Variants in THSD7B observed in about 807,000 individuals in gnomAD.
THSD7B encodes the protein thrombospondin type-1 domain-containing protein 7B.
A neutral mutation model predicts 213.6 loss-of-function variants in THSD7B; 138 were observed. The ratio of observed to expected loss-of-function variants is 0.65; its 90% CI spans 0.56 to 0.74. THSD7B has a LOEUF of 0.74. Ranked by LOEUF, THSD7B falls within the 30% of genes least tolerant of loss-of-function variation. THSD7B has a pLI of 0.00. For missense variants in THSD7B, 1,931 were observed against 1,991.5 expected, an observed-to-expected ratio of 0.97 and a Z score of 0.58; for synonymous variants, 742 against 687.0, an observed-to-expected ratio of 1.08 and a Z score of -1.25.
chr2:137,393,267 G>A (rs1366763594), intron 12 of THSD7B, among the ~76,000 whole-genome samples: 29 of 150,702 alleles, frequency 1.9e-4, no homozygotes, highest in Non-Finnish European at 3.1e-4. Flanking sequence ...CCACTAACTC[G>A]TCATCTAGCA....
At chr2:137,193,420 A>G (rs1017136973) in intron 7 of THSD7B, among the ~76,000 whole-genome samples, 1 of 152,234 alleles carries the variant, frequency 6.6e-6, no homozygotes, top group African/African-American at 2.4e-5. Flanking sequence ...AATACTTAAC[A>G]TTACTTGTGG....
chr2:136,828,815 CT>C (rs916763100), intron 1 of THSD7B, among the ~76,000 whole-genome samples: 25 of 152,184 alleles, frequency 1.6e-4, no homozygotes, highest in African/African-American at 6.0e-4. Context: ...TCCCTCTGAG[CT>C]TTCTTACTAG....
At chr2:137,188,325 C>A (rs1680590467) in intron 7 of THSD7B, among the ~76,000 whole-genome samples, 1 of 152,118 alleles carries the variant, frequency 6.6e-6, no homozygotes, top group Admixed American at 6.6e-5. Flanking sequence ...CAGACCAGTG[C>A]CACCTTCTTC....
intron 6 of THSD7B, among the ~76,000 whole-genome samples, chr2:137,166,876 G>A (rs62172325): frequency 4.6e-5 from 7 of 152,056 alleles, no homozygotes; most frequent in African/African-American, 1.4e-4. Flanking sequence ...TGGGTGGGGC[G>A]TTCTGTTAAC....
Position 137,271,222 on chromosome 2 carries a change from C to G in THSD7B, c.2267-1311C>G, listed in dbSNP as rs1464682149. ...ACCCTCACTGCGCTCCTCCCTCTCT[C>G]CCACCTTTCCCATGTGCTCACACCC... On this transcript the variant is annotated intron_variant, in intron 10 of 27. Transcript: ENST00000409968. Among the ~76,000 whole-genome samples, 5 of 151,238 alleles carry G rather than the reference C, an allele frequency of 3.3e-5. 1 individual carries two copies. In the South Asian group the frequency reaches 1.0e-3, roughly 31 times the overall value.
intron 2 of THSD7B, among the ~76,000 whole-genome samples, chr2:137,019,238 G>A (rs1686397774): frequency 6.6e-6 from 1 of 152,048 alleles, no homozygotes; most frequent in East Asian, 1.9e-4. Flanking sequence ...AGGAGTTACT[G>A]TATTTTTCTG....
intron 4 of THSD7B, among the ~76,000 whole-genome samples, chr2:137,095,738 C>T (rs1688028751): frequency 6.6e-6 from 1 of 152,060 alleles, no homozygotes; most frequent in Non-Finnish European, 1.5e-5. Context: ...TCTTGTTGCC[C>T]AGGGTGGAGT....
intron 21 of THSD7B, among the ~76,000 whole-genome samples, chr2:137,643,170 C>A (rs2104863203): frequency 6.6e-6 from 1 of 152,294 alleles, no homozygotes; most frequent in Admixed American, 6.5e-5. Context: ...AAATGCCTAA[C>A]AACATCCTAG....
intron 9 of THSD7B, 119 bp from the exon 10 acceptor site, chr2:137,242,338 C>G (rs770474730): frequency 1.3e-4 from 95 of 706,570 alleles, no homozygotes; most frequent in Non-Finnish European, 1.9e-4. Context: ...AGTCTCTCTT[C>G]CCTCACCTAT....
chr2:137,390,862 G>C (rs922416447), intron 12 of THSD7B, among the ~76,000 whole-genome samples: 1 of 152,034 alleles, frequency 6.6e-6, no homozygotes, highest in Non-Finnish European at 1.5e-5. Flanking sequence ...AACCATTTTT[G>C]CATCCCTAGC....
chr2:137,327,907 T>C (rs1254712573), intron 12 of THSD7B, among the ~76,000 whole-genome samples: 1 of 151,814 alleles, frequency 6.6e-6, no homozygotes, highest in Non-Finnish European at 1.5e-5. Context: ...GTGAAAGGTA[T>C]GCTGACATTT....
chr2:136,813,995 T>A (rs1682430046), intron 1 of THSD7B, among the ~76,000 whole-genome samples: 1 of 152,172 alleles, frequency 6.6e-6, no homozygotes, highest in Admixed American at 6.5e-5. Context: ...ACTGATGACC[T>A]CAGGTTTTCT....
At chr2:136,849,172 CT>C (rs1048609087) in intron 1 of THSD7B, among the ~76,000 whole-genome samples, 26 of 152,270 alleles carry the variant, frequency 1.7e-4, no homozygotes, top group South Asian at 2.1e-4. Flanking sequence ...TGCATTTTGT[CT>C]TTGCTTACAT....
At chr2:137,561,095 TACTC>T (rs914004070) in intron 15 of THSD7B, among the ~76,000 whole-genome samples, 1 of 152,190 alleles carries the variant, frequency 6.6e-6, no homozygotes, top group African/African-American at 2.4e-5. Flanking sequence ...TAAATGCTAT[TACTC>T]AAGAAGGTAT....
intron 21 of THSD7B, among the ~76,000 whole-genome samples, chr2:137,647,966 T>C (rs1233361719): frequency 6.6e-6 from 1 of 152,226 alleles, no homozygotes; most frequent in African/African-American, 2.4e-5. Context: ...AATATCTACA[T>C]GAAAACAGAG....
intron 2 of THSD7B, among the ~76,000 whole-genome samples, chr2:136,929,778 T>C (rs143285912): frequency 4.4e-4 from 67 of 152,318 alleles, no homozygotes; most frequent in African/African-American, 1.4e-3. Context: ...TGTGGGGTAG[T>C]TGCTTGCAAT....
At chr2:137,513,515 ATATAT>A (rs1222572282) in intron 15 of THSD7B, among the ~76,000 whole-genome samples, 2 of 152,338 alleles carry the variant, frequency 1.3e-5, no homozygotes, top group South Asian at 2.1e-4. Flanking sequence ...GTAGGCATAC[ATATAT>A]TATATGCATT....
chr2:137,123,679 A>G (rs1573837236), intron 5 of THSD7B, among the ~76,000 whole-genome samples: 1 of 152,332 alleles, frequency 6.6e-6, no homozygotes. Flanking sequence ...TTAAGGATTT[A>G]TTGCAATAGA....
At chr2:137,046,218 A>G (rs1686967213) in intron 2 of THSD7B, among the ~76,000 whole-genome samples, 1 of 152,180 alleles carries the variant, frequency 6.6e-6, no homozygotes, top group Non-Finnish European at 1.5e-5. Context: ...TAGGTTGAAA[A>G]TGTTTCTACT....
Sources: gnomAD v4.1 joint callset for allele counts (sites outside exome capture counted in the v4.1 genomes callset) on GRCh38, gnomAD v4.1.1 for gene constraint, MANE v1.5 for transcripts, NCBI Gene and HGNC (gene_info 2026-07-23, HGNC 2026-07-21) for gene names.